The following GPR83 variants were observed in gnomAD, a reference collection of about 807,000 sequenced individuals.
GPR83 encodes G protein-coupled receptor 83.
A neutral mutation model predicts 28.0 loss-of-function variants in GPR83; 23 were observed. The ratio of observed to expected loss-of-function variants is 0.82; its 90% CI spans 0.59 to 1.16. The LOEUF (loss-of-function observed/expected upper bound fraction) is 1.16. Ranked by LOEUF, GPR83 falls within the 50% of genes most tolerant of loss-of-function variation. GPR83 has a pLI of 0.00. For missense variants in GPR83, 610 were observed against 536.6 expected (o/e 1.14, Z -1.35); for synonymous variants, 234 against 215.4 (o/e 1.09, Z -0.76).
chr11:94,384,292 G>T (rs1236182352), intron 3 of GPR83, among the ~76,000 whole-genome samples: 7 of 152,174 alleles, frequency 4.6e-5, no homozygotes, highest in African/African-American at 7.2e-5. Flanking sequence ...ACCCTTTCAT[G>T]CTACAAACTC....
At position 94,380,751 on chromosome 11, in the gene GPR83, AGAGG is replaced by A; in HGVS notation, c.666_669del (p.Leu223AlafsTer48). On this transcript the variant is annotated frameshift_variant, in exon 4 of 4. Coordinates refer to ENST00000243673, the MANE Select transcript of GPR83 (RefSeq NM_016540.4). LOFTEE classifies it high-confidence loss of function. ...GCTGGCTCAGGGAAGTCTGGCAGGC[AGAGG>A]GAGCGCACAATGTCCTCACTGGGGG... The A allele has an allele frequency of 6.2e-7, 1 of 1,611,398 alleles. No individual in the cohort carries two copies.
chr11:94,387,432 A>G (rs952040983), intron 3 of GPR83, among the ~76,000 whole-genome samples: 2 of 152,186 alleles, frequency 1.3e-5, no homozygotes, highest in Non-Finnish European at 2.9e-5. Context: ...GACCGCTAGC[A>G]AGACTAATAA....
Position 94,401,396 on chromosome 11 carries a change from C to A in GPR83, c.-149G>T. On this transcript the variant is annotated 5_prime_UTR_variant, in exon 1 of 4. Coordinates refer to ENST00000243673, the MANE Select transcript of GPR83 (RefSeq NM_016540.4). ...CCGGACGCGCGGAGCACCGCGCCGC[C>A]CGCCACCAGCCCGCGGTCGGCACGC... 3.2e-6 allele frequency: 2 copies of A among 629,506 alleles called. No individual in the cohort carries two copies. The highest frequency in any genetic ancestry group is 4.9e-6 in the Non-Finnish European group (2 of 406,040). The allele number at this position is 629,506 out of a possible 1,614,324, so 39.0% of individuals were successfully genotyped here.
At position 94,378,131 on chromosome 11, in the gene GPR83, G is replaced by T. The variant is rs560782514; in HGVS notation, c.*2018C>A. The T allele has an allele frequency of 6.6e-6, 1 of 152,278 alleles. No individual in the cohort carries two copies. The highest frequency in any genetic ancestry group is 1.9e-4 in the East Asian group (1 of 5,180). The allele number at this position is 152,278 out of a possible 1,614,324, so 9.4% of individuals were successfully genotyped here. A position where few individuals can be genotyped will look rare whatever the true frequency, so the allele number is the denominator to read the frequency against. ...CCTGTGGGCTTAGAAGACTCTGTCTGCCCAATGAAAGTCATGGTTTTGCCC... is the reference window on the plus strand; with the variant it reads ...CCTGTGGGCTTAGAAGACTCTGTCTTCCCAATGAAAGTCATGGTTTTGCCC... On this transcript the variant is annotated 3_prime_UTR_variant, in exon 4 of 4. Coordinates refer to ENST00000243673, the MANE Select transcript of GPR83 (RefSeq NM_016540.4).
intron 1 of GPR83, among the ~76,000 whole-genome samples, chr11:94,397,623 T>C (rs1292034877): frequency 6.6e-6 from 1 of 152,238 alleles, no homozygotes; most frequent in African/African-American, 2.4e-5. Flanking sequence ...CTAACCCTTT[T>C]CACATGGTTG....
chr11:94,400,336 C>T (rs1299714934), intron 1 of GPR83, among the ~76,000 whole-genome samples: 3 of 151,896 alleles, frequency 2.0e-5, no homozygotes, highest in South Asian at 2.1e-4. Flanking sequence ...CCAATGCCAC[C>T]GCCGCAGAAG....
chr11:94,398,181 C>T (rs1944883019), intron 1 of GPR83, among the ~76,000 whole-genome samples: 1 of 152,180 alleles, frequency 6.6e-6, no homozygotes, highest in African/African-American at 2.4e-5. Context: ...AGGTTTGTCA[C>T]CTTGGAATTC....
Position 94,401,113 on chromosome 11 carries a change from G to A in GPR83, c.135C>T (p.Asn45=), listed in dbSNP as rs1944907548. Reference sequence around the variant, plus strand: ...TCTGCCAGTCGGAGAAGGTGTAGTTGTTCCAAGAGAAGAAGTGCGAGGCAT... The same window carrying A: ...TCTGCCAGTCGGAGAAGGTGTAGTTATTCCAAGAGAAGAAGTGCGAGGCAT... The part of the protein sequence containing the change: ...VPNASHFFSW[N]NYTFSDWQNF... Residue 45 remains asparagine, a synonymous_variant, in exon 1 of 4, where the codon AAC becomes AAT. Transcript: ENST00000243673. 1 of 1,614,114 alleles carries A rather than the reference G, an allele frequency of 6.2e-7. No individual in the cohort carries two copies. Among genetic ancestry groups the A allele is most frequent in the South Asian group, 1.1e-5 (1 of 91,090 alleles).
At chr11:94,400,260 C>T (rs1048587435) in intron 1 of GPR83, among the ~76,000 whole-genome samples, 5 of 152,056 alleles carry the variant, frequency 3.3e-5, no homozygotes, top group African/African-American at 1.2e-4. Flanking sequence ...CAAGCCCAGA[C>T]CCAGTGAGAT....
At chr11:94,390,141 A>T (rs1944802395) in intron 3 of GPR83, among the ~76,000 whole-genome samples, 2 of 149,524 alleles carry the variant, frequency 1.3e-5, no homozygotes, top group Admixed American at 6.6e-5. Flanking sequence ...GGACACAGGA[A>T]GGGGAATATC....
chr11:94,388,517 TA>T (rs1944782380), intron 3 of GPR83, among the ~76,000 whole-genome samples: 1 of 152,148 alleles, frequency 6.6e-6, no homozygotes, highest in Admixed American at 6.5e-5. Flanking sequence ...CAAGCATTCT[TA>T]TACACCAATA....
chr11:94,382,989 C>G (rs1311191958), intron 3 of GPR83, among the ~76,000 whole-genome samples: 1 of 151,630 alleles, frequency 6.6e-6, no homozygotes, highest in Non-Finnish European at 1.5e-5. Context: ...ACAGTGAAAC[C>G]CTGTCTCTAC....
chr11:94,393,508 C>G lies in GPR83; in HGVS notation c.624G>C (p.Gln208His). 1 of 1,614,066 alleles carries G rather than the reference C, an allele frequency of 6.2e-7. No individual in the cohort carries two copies. Among genetic ancestry groups the G allele is most frequent in the Admixed American group, 1.7e-5 (1 of 60,012 alleles). Reference protein sequence around the residue: ...TFFSLPHAICQKLFTFKYSED... With the variant: ...TFFSLPHAICHKLFTFKYSED... ...ACCTGTATTTGAAGGTAAATAATTT[C>G]TGGCAGATAGCATGTGGGAGTGAAA... The change falls in exon 3 of 4, where the codon CAG (glutamine) becomes CAC (histidine). Residue 208 changes from glutamine to histidine, a missense_variant. Physicochemically the swap from Gln to His is conservative, Grantham distance 24. Coordinates refer to ENST00000243673, the MANE Select transcript of GPR83 (RefSeq NM_016540.4).
chr11:94,380,792 G>T lies in GPR83; in HGVS notation c.648-19C>A, dbSNP rs761046480. On this transcript the variant is annotated intron_variant, in intron 3 of 3. Transcript: ENST00000243673. ...GTCCTCACTGGGGGCAGGAAGTGGGGAGGGGGAGAGAGGTAACAGAAAGGA... is the reference window on the plus strand; with the variant it reads ...GTCCTCACTGGGGGCAGGAAGTGGGTAGGGGGAGAGAGGTAACAGAAAGGA... The T allele has an allele frequency of 6.1e-5, 97 of 1,587,220 alleles. No homozygotes were observed. In the Admixed American group the frequency reaches 6.1e-4, roughly 10 times the overall value.
At chr11:94,386,606 C>T (rs944295861) in intron 3 of GPR83, among the ~76,000 whole-genome samples, 11 of 152,276 alleles carry the variant, frequency 7.2e-5, no homozygotes, top group South Asian at 4.1e-4. Flanking sequence ...GTAAAGGGAT[C>T]AATTCAAAAA....
Position 94,393,499 on chromosome 11 carries a change from A to G in GPR83, c.633T>C (p.Phe211=). 6.2e-7 allele frequency: 1 copy of G among 1,614,100 alleles called. No individual in the cohort carries two copies. Among genetic ancestry groups the G allele is most frequent in the Non-Finnish European group, 8.5e-7 (1 of 1,179,946 alleles). Residue 211 remains phenylalanine, a synonymous_variant, in exon 3 of 4, where the codon TTT becomes TTC. Transcript: ENST00000243673. ...SLPHAICQKL[F]TFKYSEDIVR... ...ATTCATCTCACCTGTATTTGAAGGTAAATAATTTCTGGCAGATAGCATGTG... is the reference window on the plus strand; with the variant it reads ...ATTCATCTCACCTGTATTTGAAGGTGAATAATTTCTGGCAGATAGCATGTG...
chr11:94,390,673 C>A (rs998461282), intron 3 of GPR83, among the ~76,000 whole-genome samples: 4 of 152,096 alleles, frequency 2.6e-5, no homozygotes, highest in African/African-American at 9.7e-5. Flanking sequence ...TTCCTATACA[C>A]CAATAACAGA....
rs1944660935 is a variant in GPR83, at chr11:94,379,484, T to C, written c.*665A>G. Reference sequence around the variant, plus strand: ...GCATGTTCACAGATGTTATCACAAATGGATGGGATAAGAGAGTGATTTTGT... The same window carrying C: ...GCATGTTCACAGATGTTATCACAAACGGATGGGATAAGAGAGTGATTTTGT... On this transcript the variant is annotated 3_prime_UTR_variant, in exon 4 of 4. Coordinates refer to ENST00000243673, the MANE Select transcript of GPR83 (RefSeq NM_016540.4). 6.6e-6 allele frequency: 1 copy of C among 151,562 alleles called. No individual in the cohort carries two copies. 9.4% of individuals were successfully genotyped at this position (151,562 alleles called of 1,614,324 possible).
chr11:94,380,551 G>A lies in GPR83; in HGVS notation c.870C>T (p.Thr290=). ...YFALRRKKKK[T]IKMLMLVVVL... Reference sequence around the variant, plus strand: ...CTACCACCAGCATCAACATCTTGATGGTCTTCTTCTTTTTGCGCCGCAGGG... The same window carrying A: ...CTACCACCAGCATCAACATCTTGATAGTCTTCTTCTTTTTGCGCCGCAGGG... Residue 290 remains threonine, a synonymous_variant, in exon 4 of 4, where the codon ACC becomes ACT. Coordinates refer to ENST00000243673, the MANE Select transcript of GPR83 (RefSeq NM_016540.4). 6.2e-7 allele frequency: 1 copy of A among 1,614,186 alleles called. No individual in the cohort carries two copies. Among genetic ancestry groups the A allele is most frequent in the Non-Finnish European group, 8.5e-7 (1 of 1,180,024 alleles).
Sources: allele counts gnomAD v4.1 joint callset (sites outside exome capture counted in the v4.1 genomes callset), GRCh38; gene constraint gnomAD v4.1.1; transcripts MANE v1.5; gene names NCBI Gene and HGNC (gene_info 2026-07-23, HGNC 2026-07-21).